The following FRMD5 variants were observed in gnomAD, a reference collection of about 807,000 sequenced individuals.
The protein encoded by FRMD5 is FERM domain containing 5, also known as FERM domain-containing protein 5.
In FRMD5, 20 loss-of-function variants were observed where a neutral mutation model predicts 69.0. The ratio of observed to expected loss-of-function variants is 0.29; its 90% CI spans 0.20 to 0.42. FRMD5 has a LOEUF of 0.42. Among genes scored for constraint, FRMD5 ranks in the 10% least tolerant of loss-of-function variants. FRMD5 has a pLI of 1.00. For missense variants in FRMD5, 595 were observed against 708.6 expected (o/e 0.84, Z 1.82); for synonymous variants, 271 against 260.1 (o/e 1.04, Z -0.40).
intron 1 of FRMD5, among the ~76,000 whole-genome samples, chr15:44,000,921 C>T (rs1890182279): frequency 6.6e-6 from 1 of 152,200 alleles, no homozygotes; most frequent in Non-Finnish European, 1.5e-5. Context: ...TCAAGCAATC[C>T]TCCCACCTCA....
At chr15:43,896,059 C>G (rs2088903793) in intron 7 of FRMD5, among the ~76,000 whole-genome samples, 2 of 152,142 alleles carry the variant, frequency 1.3e-5, no homozygotes, top group Non-Finnish European at 2.9e-5. Flanking sequence ...CTTCTCTGTC[C>G]CCTTCCCATC....
chr15:43,994,618 G>A (rs1889837433), intron 1 of FRMD5, among the ~76,000 whole-genome samples: 1 of 152,134 alleles, frequency 6.6e-6, no homozygotes, highest in African/African-American at 2.4e-5. Flanking sequence ...TTTTGGTAGA[G>A]ATGGGGTTTT....
At chr15:43,890,175 A>G (rs2088761697) in intron 8 of FRMD5, among the ~76,000 whole-genome samples, 1 of 152,188 alleles carries the variant, frequency 6.6e-6, no homozygotes, top group Admixed American at 6.5e-5. Flanking sequence ...AATAATGCCA[A>G]TTGGTTAATA....
At chr15:43,986,556 C>T (rs1011262464) in intron 1 of FRMD5, among the ~76,000 whole-genome samples, 5 of 152,150 alleles carry the variant, frequency 3.3e-5, no homozygotes, top group Non-Finnish European at 7.3e-5. Flanking sequence ...GAAACTCTTG[C>T]AGATATTTCA....
At chr15:44,015,794 A>C (rs1292953842) in intron 1 of FRMD5, among the ~76,000 whole-genome samples, 5 of 152,338 alleles carry the variant, frequency 3.3e-5, no homozygotes, top group Middle Eastern at 3.4e-3. Context: ...AGGACTATGC[A>C]CTTACAGATA....
At position 44,181,663 on chromosome 15, in the gene FRMD5, A is replaced by G. The variant is rs1486541876; in HGVS notation, c.102+13290T>C. Reference sequence around the variant, plus strand: ...ACACTTATAATCCCAGCACTTTGGGATGTTGACGTGGGAGGATTACTTGAG... The same window carrying G: ...ACACTTATAATCCCAGCACTTTGGGGTGTTGACGTGGGAGGATTACTTGAG... On this transcript the variant is annotated intron_variant, in intron 1 of 13. Coordinates refer to ENST00000417257, the MANE Select transcript of FRMD5 (RefSeq NM_032892.5). 2.6e-5 allele frequency among the ~76,000 whole-genome samples: 4 copies of G among 152,088 alleles called. No homozygotes were observed. The East Asian group carries it at 5.8e-4, about 22-fold the overall frequency.
At chr15:43,998,268 C>G (rs977277813) in intron 1 of FRMD5, among the ~76,000 whole-genome samples, 1 of 152,104 alleles carries the variant, frequency 6.6e-6, no homozygotes, top group African/African-American at 2.4e-5. Context: ...GCAAAGTGGT[C>G]TACAAGATTT....
At chr15:43,960,894 A>G (rs2090188465) in intron 1 of FRMD5, among the ~76,000 whole-genome samples, 1 of 152,212 alleles carries the variant, frequency 6.6e-6, no homozygotes, top group African/African-American at 2.4e-5. Flanking sequence ...TTGTATTTGA[A>G]AAAAACCTAA....
intron 1 of FRMD5, among the ~76,000 whole-genome samples, chr15:43,943,679 T>G (rs2089898783): frequency 6.6e-6 from 1 of 152,188 alleles, no homozygotes; most frequent in Non-Finnish European, 1.5e-5. Context: ...GTCAGAATGA[T>G]GTAGTAACAA....
chr15:44,167,791 A>G (rs2077735378), intron 1 of FRMD5, among the ~76,000 whole-genome samples: 1 of 152,002 alleles, frequency 6.6e-6, no homozygotes, highest in South Asian at 2.1e-4. Context: ...GGGTTTCGCT[A>G]TGTTGGCCAG....
chr15:44,031,810 C>T (rs763796212), intron 1 of FRMD5, among the ~76,000 whole-genome samples: 3 of 152,220 alleles, frequency 2.0e-5, no homozygotes, highest in African/African-American at 4.8e-5. Flanking sequence ...ATTACTTGAA[C>T]GTTAGAGAAA....
intron 1 of FRMD5, among the ~76,000 whole-genome samples, chr15:44,085,903 G>A (rs532879822): frequency 7.2e-5 from 11 of 152,174 alleles, no homozygotes; most frequent in African/African-American, 2.7e-4. Context: ...ATGGAGACTT[G>A]AAGACATTAA....
intron 1 of FRMD5, among the ~76,000 whole-genome samples, chr15:44,184,441 C>T (rs2078065035): frequency 6.6e-6 from 1 of 152,166 alleles, no homozygotes; most frequent in East Asian, 1.9e-4. Context: ...CCTCAATTAA[C>T]TAAATATACA....
At chr15:43,959,683 T>C (rs1270141418) in intron 1 of FRMD5, among the ~76,000 whole-genome samples, 1 of 152,188 alleles carries the variant, frequency 6.6e-6, no homozygotes, top group African/African-American at 2.4e-5. Flanking sequence ...TTTAGAAACA[T>C]GCCTACCTTT....
At chr15:43,897,378 TTGGGAG>T (rs2088936086) in intron 7 of FRMD5, among the ~76,000 whole-genome samples, 1 of 150,300 alleles carries the variant, frequency 6.7e-6, no homozygotes, top group Non-Finnish European at 1.5e-5. Flanking sequence ...TCTCAGCTAC[TTGGGAG>T]GCTGAGGCAG....
intron 1 of FRMD5, among the ~76,000 whole-genome samples, chr15:44,174,659 C>A (rs987523359): frequency 2.0e-5 from 3 of 152,104 alleles, no homozygotes; most frequent in Non-Finnish European, 2.9e-5. Context: ...TTTATGACTT[C>A]AACAAATCTT....
chr15:44,182,324 CTTTTTTTTTT>C (rs71111843), intron 1 of FRMD5, among the ~76,000 whole-genome samples: 1 of 85,674 alleles, frequency 1.2e-5, no homozygotes, highest in South Asian at 4.0e-4. Flanking sequence ...CATTGCTTTT[CTTTTTTTTTT>C]TTTTTTTTTT....
chr15:44,140,655 G>C (rs1010045094), intron 1 of FRMD5, among the ~76,000 whole-genome samples: 2 of 152,020 alleles, frequency 1.3e-5, no homozygotes, highest in Admixed American at 6.6e-5. Context: ...GAGGCAGGTG[G>C]ATCACTTGAG....
chr15:44,005,988 C>T (rs749353031), intron 1 of FRMD5, among the ~76,000 whole-genome samples: 7 of 152,178 alleles, frequency 4.6e-5, no homozygotes, highest in Non-Finnish European at 1.0e-4. Flanking sequence ...AAGGTGGCTA[C>T]AACAGATTTT....
Sources: allele counts gnomAD v4.1 joint callset (sites outside exome capture counted in the v4.1 genomes callset), GRCh38; gene constraint gnomAD v4.1.1; transcripts MANE v1.5; gene names NCBI Gene and HGNC (gene_info 2026-07-23, HGNC 2026-07-21).